The following KHDRBS2 variants were observed in gnomAD, a reference collection of about 807,000 sequenced individuals.
The protein encoded by KHDRBS2 is KH RNA binding domain containing, signal transduction associated 2, also known as KH domain-containing, RNA-binding, signal transduction-associated protein 2.
A neutral mutation model predicts 44.3 loss-of-function variants in KHDRBS2; 26 were observed. The ratio of observed to expected loss-of-function variants is 0.59; its 90% CI spans 0.43 to 0.81. The LOEUF is 0.81. Ranked by LOEUF, KHDRBS2 falls within the 40% of genes least tolerant of loss-of-function variation. The pLI, the probability that KHDRBS2 is intolerant of heterozygous loss-of-function variation, is 0.00. For missense variants in KHDRBS2, 476 were observed against 433.1 expected (o/e 1.10, Z -0.88); for synonymous variants, 194 against 151.1 (o/e 1.28, Z -2.08).
chr6:61,566,196 T>A, the KHDRBS2 span, among the ~76,000 whole-genome samples: 1 of 152,026 alleles, frequency 6.6e-6, no homozygotes, highest in African/African-American at 2.4e-5. Context: ...CTTGATCTCA[T>A]GGAGGTGAGA....
At chr6:61,804,942 C>G (rs1359017383) in intron 6 of KHDRBS2, among the ~76,000 whole-genome samples, 2 of 152,174 alleles carry the variant, frequency 1.3e-5, no homozygotes, top group African/African-American at 4.8e-5. Context: ...ACATTTGGCT[C>G]CTCATCCCAT....
At chr6:61,891,342 T>C (rs142838415) in intron 6 of KHDRBS2, among the ~76,000 whole-genome samples, 1 of 152,352 alleles carries the variant, frequency 6.6e-6, no homozygotes, top group African/African-American at 2.4e-5. Context: ...TGCCAGTATT[T>C]TACTGAGGAT....
intron 6 of KHDRBS2, among the ~76,000 whole-genome samples, chr6:61,819,504 A>G (rs1450136690): frequency 6.6e-6 from 1 of 152,000 alleles, no homozygotes; most frequent in African/African-American, 2.4e-5. Context: ...AGATATATCT[A>G]TAAACAATAT....
At chr6:61,690,702 A>G (rs947702341) in intron 8 of KHDRBS2, among the ~76,000 whole-genome samples, 1 of 151,998 alleles carries the variant, frequency 6.6e-6, no homozygotes, top group African/African-American at 2.4e-5. Context: ...GTTTGATTAC[A>G]AAATACCCAG....
At chr6:61,826,346 G>A (rs1277226775) in intron 6 of KHDRBS2, among the ~76,000 whole-genome samples, 1 of 152,032 alleles carries the variant, frequency 6.6e-6, no homozygotes. Flanking sequence ...GGAAGGAAGG[G>A]AAAAAGATGA....
At chr6:61,753,368 C>A (rs1052364613) in intron 6 of KHDRBS2, among the ~76,000 whole-genome samples, 2 of 152,128 alleles carry the variant, frequency 1.3e-5, no homozygotes, top group Admixed American at 1.3e-4. Flanking sequence ...GCTTAGGTCA[C>A]AGGACTTGAC....
At chr6:62,057,793 A>T (rs1209763078) in intron 2 of KHDRBS2, among the ~76,000 whole-genome samples, 1 of 151,946 alleles carries the variant, frequency 6.6e-6, no homozygotes, top group Non-Finnish European at 1.5e-5. Flanking sequence ...TATAAGTCAA[A>T]TTCATTTATG....
chr6:61,786,481 G>A (rs1783826973), intron 6 of KHDRBS2, among the ~76,000 whole-genome samples: 1 of 151,930 alleles, frequency 6.6e-6, no homozygotes, highest in African/African-American at 2.4e-5. Context: ...ATTTTGTCAA[G>A]AGAGTGCTAG....
At chr6:61,972,079 C>T (rs930049732) in intron 4 of KHDRBS2, among the ~76,000 whole-genome samples, 1 of 152,102 alleles carries the variant, frequency 6.6e-6, no homozygotes, top group Non-Finnish European at 1.5e-5. Flanking sequence ...GATTACTGGG[C>T]ACCTTTTCTG....
intron 3 of KHDRBS2, among the ~76,000 whole-genome samples, chr6:62,025,871 T>A (rs1484291988): frequency 1.3e-5 from 2 of 152,114 alleles, no homozygotes; most frequent in South Asian, 2.1e-4. Context: ...CCTTTAGACA[T>A]AAACTTTAAT....
chr6:61,641,749 T>G, the KHDRBS2 span, among the ~76,000 whole-genome samples: 7 of 152,320 alleles, frequency 4.6e-5, no homozygotes, highest in African/African-American at 1.7e-4. Flanking sequence ...GTACTTACAA[T>G]ATGTTTAGTA....
At chr6:61,679,247 A>C (rs2127536887), downstream of KHDRBS2, among the ~76,000 whole-genome samples, 1 of 152,042 alleles carries the variant, frequency 6.6e-6, no homozygotes, top group South Asian at 2.1e-4. Context: ...ATCAAAATTT[A>C]GCTTACATTT....
At chr6:61,903,557 G>C (rs1562407974) in intron 4 of KHDRBS2, among the ~76,000 whole-genome samples, 1 of 152,170 alleles carries the variant, frequency 6.6e-6, no homozygotes, top group Non-Finnish European at 1.5e-5. Context: ...GGCTGGGGAA[G>C]AGAGAGAGGA....
At chr6:62,255,515 A>G (rs554293862) in intron 1 of KHDRBS2, among the ~76,000 whole-genome samples, 283 of 144,810 alleles carry the variant, frequency 2.0e-3, no homozygotes, top group Non-Finnish European at 3.3e-3. Context: ...CAGGGAGTCG[A>G]ACTCTCACAG....
At chr6:62,085,713 G>T (rs995854711) in intron 2 of KHDRBS2, among the ~76,000 whole-genome samples, 2 of 152,080 alleles carry the variant, frequency 1.3e-5, no homozygotes, top group African/African-American at 4.8e-5. Context: ...CTTTAGCAAT[G>T]TATTGACAAA....
At chr6:61,740,346 G>A (rs1197158651) in intron 6 of KHDRBS2, among the ~76,000 whole-genome samples, 1 of 151,954 alleles carries the variant, frequency 6.6e-6, no homozygotes, top group Non-Finnish European at 1.5e-5. Context: ...AGCACAAAAT[G>A]TCTAAGAAAC....
chr6:62,073,707 A>C (rs1795760582), intron 2 of KHDRBS2, among the ~76,000 whole-genome samples: 1 of 151,122 alleles, frequency 6.6e-6, no homozygotes, highest in South Asian at 2.1e-4. Flanking sequence ...CCAGAAGGGC[A>C]TTTCTTGGCT....
chr6:61,846,270 T>G (rs1210867923), intron 6 of KHDRBS2, among the ~76,000 whole-genome samples: 2 of 152,240 alleles, frequency 1.3e-5, no homozygotes, highest in Non-Finnish European at 2.9e-5. Context: ...GACTAAATTA[T>G]AGACTACTGA....
At position 62,040,245 on chromosome 6, in the gene KHDRBS2, G is replaced by A. The variant is rs909002801; in HGVS notation, c.336+7633C>T. On this transcript the variant is annotated intron_variant, in intron 3 of 8. Transcript: ENST00000281156. ...AAAAACAAACACCCAACAGACACAC[G>A]CATGCACGCACACGCACACACACAC... 4.6e-5 allele frequency among the ~76,000 whole-genome samples: 7 copies of A among 151,776 alleles called. No homozygotes were observed. The East Asian group carries it at 5.8e-4, about 13-fold the overall frequency.
Sources: gnomAD v4.1 joint callset for allele counts (sites outside exome capture counted in the v4.1 genomes callset) on GRCh38, gnomAD v4.1.1 for gene constraint, MANE v1.5 for transcripts, NCBI Gene and HGNC (gene_info 2026-07-23, HGNC 2026-07-21) for gene names.